TSPAN18: variants seen among roughly 807,000 people sequenced by gnomAD.
TSPAN18 encodes tetraspanin-18.
TSPAN18 carries 14 observed loss-of-function variants against 27.3 expected under a neutral mutation model. The observed-to-expected ratio is 0.51, with a 90% confidence interval of 0.34 to 0.80. The LOEUF is 0.80. Ranked by LOEUF, TSPAN18 falls within the 30% of genes least tolerant of loss-of-function variation. TSPAN18 has a pLI of 0.01. For missense variants in TSPAN18, 268 were observed against 323.9 expected, an observed-to-expected ratio of 0.83 and a Z score of 1.32; for synonymous variants, 143 against 136.5, an observed-to-expected ratio of 1.05 and a Z score of -0.33.
chr11:44,894,889 G>C (rs923891413), intron 3 of TSPAN18, among the ~76,000 whole-genome samples: 6 of 152,356 alleles, frequency 3.9e-5, no homozygotes, highest in Admixed American at 2.0e-4. Context: ...CCACGGATAG[G>C]TGTCGTATCA....
chr11:44,909,477 A>AT, intron 4 of TSPAN18: 1 of 529,340 alleles, frequency 1.9e-6, no homozygotes, highest in Non-Finnish European at 3.3e-6. Flanking sequence ...CGGAAATTGG[A>AT]TTTAGAGGAT....
intron 1 of TSPAN18, among the ~76,000 whole-genome samples, chr11:44,757,985 G>C (rs1365852608): frequency 6.6e-6 from 1 of 152,110 alleles, no homozygotes; most frequent in Non-Finnish European, 1.5e-5. Context: ...AGTCTGGTTT[G>C]TCTATTTTTC....
chr11:44,747,301 G>A (rs1855103101), intron 1 of TSPAN18, among the ~76,000 whole-genome samples: 2 of 152,240 alleles, frequency 1.3e-5, no homozygotes, highest in South Asian at 2.1e-4. Flanking sequence ...CAAGGAGCTC[G>A]TTGCTTGGAT....
intron 1 of TSPAN18, among the ~76,000 whole-genome samples, chr11:44,746,910 T>G (rs1855090598): frequency 6.6e-6 from 1 of 152,194 alleles, no homozygotes; most frequent in Admixed American, 6.5e-5. Context: ...GGAGACTCAG[T>G]TCTTAGGGAG....
Position 44,779,194 on chromosome 11 carries a change from C to G in TSPAN18, c.-153+14682C>G, listed in dbSNP as rs138495776. Among the ~76,000 whole-genome samples the G allele has an allele frequency of 1.9e-4, 29 of 152,226 alleles. No individual in the cohort carries two copies. In the East Asian group the frequency reaches 5.0e-3, roughly 26 times the overall value. Reference sequence around the variant, plus strand: ...CCTTCTAGGTGCGCATGTTCCTCCTCAACCATTCCTCCCCACCCACTCCAT... The same window carrying G: ...CCTTCTAGGTGCGCATGTTCCTCCTGAACCATTCCTCCCCACCCACTCCAT... On this transcript the variant is annotated intron_variant, in intron 2 of 9. Coordinates refer to ENST00000520358, the MANE Select transcript of TSPAN18 (RefSeq NM_130783.5).
chr11:44,733,891 A>G (rs1442342078), intron 1 of TSPAN18, among the ~76,000 whole-genome samples: 1 of 151,942 alleles, frequency 6.6e-6, no homozygotes, highest in Non-Finnish European at 1.5e-5. Flanking sequence ...GGGTCCTGCT[A>G]TAGTTTGGTT....
chr11:44,920,060 G>T (rs145218759), intron 8 of TSPAN18, 61 bp downstream of exon 8: 16,309 of 1,529,834 alleles, frequency 0.011, 109 homozygotes, highest in Non-Finnish European at 0.012. Context: ...GGCCAGAGCT[G>T]GGTGGGAGGC....
At chr11:44,770,774 G>A (rs1417425199) in intron 2 of TSPAN18, among the ~76,000 whole-genome samples, 2 of 152,168 alleles carry the variant, frequency 1.3e-5, no homozygotes, top group Non-Finnish European at 2.9e-5. Flanking sequence ...ATGTGGTGGA[G>A]GTGCTGAGAA....
At chr11:44,811,162 A>G (rs1856706280) in intron 2 of TSPAN18, among the ~76,000 whole-genome samples, 1 of 116,724 alleles carries the variant, frequency 8.6e-6, no homozygotes, top group Non-Finnish European at 2.1e-5. Context: ...ACACACACAC[A>G]CACACACACA....
chr11:44,823,227 T>C lies in TSPAN18; in HGVS notation c.-152-37101T>C, dbSNP rs143161945. 3.4e-3 allele frequency among the ~76,000 whole-genome samples: 517 copies of C among 152,294 alleles called. 6 individuals are homozygous for C. The highest frequency in any genetic ancestry group is 0.012 in the African/African-American group (495 of 41,546). On this transcript the variant is annotated intron_variant, in intron 2 of 9. Transcript: ENST00000520358. Reference sequence around the variant, plus strand: ...AGGCACCCTGCCCACTCGGCCTGCTTGCGTTATAGCTTGTACCCACATTTG... The same window carrying C: ...AGGCACCCTGCCCACTCGGCCTGCTCGCGTTATAGCTTGTACCCACATTTG...
intron 1 of TSPAN18, among the ~76,000 whole-genome samples, chr11:44,739,421 G>T (rs531145636): frequency 1.3e-5 from 2 of 152,164 alleles, no homozygotes; most frequent in African/African-American, 4.8e-5. Context: ...TTAGGAGCTC[G>T]AGACCATGCT....
chr11:44,874,812 C>T (rs6485580), intron 3 of TSPAN18, among the ~76,000 whole-genome samples: 61,698 of 152,070 alleles, frequency 0.41, 14,778 homozygotes, highest in Non-Finnish European at 0.53. Context: ...ATTTGAGGAT[C>T]TTCCAGCCCT....
At chr11:44,845,212 G>A (rs1857455666) in intron 2 of TSPAN18, among the ~76,000 whole-genome samples, 1 of 152,216 alleles carries the variant, frequency 6.6e-6, no homozygotes, top group Non-Finnish European at 1.5e-5. Context: ...AGTCGAATGA[G>A]TAAGACATAC....
chr11:44,902,955 C>T (rs1345818433), intron 3 of TSPAN18, among the ~76,000 whole-genome samples: 2 of 152,162 alleles, frequency 1.3e-5, no homozygotes, highest in Non-Finnish European at 2.9e-5. Context: ...TAGCCCAGCA[C>T]CAGGCTTCCT....
intron 3 of TSPAN18, among the ~76,000 whole-genome samples, chr11:44,868,648 G>A (rs1283251319): frequency 6.6e-6 from 1 of 152,220 alleles, no homozygotes; most frequent in Non-Finnish European, 1.5e-5. Flanking sequence ...TGCTTGGAAA[G>A]GAGCTTCCAA....
chr11:44,904,249 C>T (rs1859374102), intron 3 of TSPAN18, among the ~76,000 whole-genome samples: 1 of 152,250 alleles, frequency 6.6e-6, no homozygotes, highest in Non-Finnish European at 1.5e-5. Flanking sequence ...GTGTCTTCCC[C>T]TCCTGACTTT....
chr11:44,811,182 C>T, intron 2 of TSPAN18, among the ~76,000 whole-genome samples: 1 of 144,560 alleles, frequency 6.9e-6, no homozygotes, highest in African/African-American at 2.7e-5. Flanking sequence ...ACACCCCTGC[C>T]TGTGCCTTCT....
chr11:44,789,159 C>T (rs1856132048), intron 2 of TSPAN18, among the ~76,000 whole-genome samples: 1 of 152,166 alleles, frequency 6.6e-6, no homozygotes, highest in Admixed American at 6.5e-5. Context: ...ATGAATTCAT[C>T]AATGAATTCT....
At chr11:44,728,304 T>G (rs4755279) in intron 1 of TSPAN18, among the ~76,000 whole-genome samples, 1 of 152,160 alleles carries the variant, frequency 6.6e-6, no homozygotes, top group Admixed American at 6.5e-5. Context: ...CAGAAAAAGA[T>G]GTAAGAAACT....
Sources: allele counts gnomAD v4.1 joint callset (sites outside exome capture counted in the v4.1 genomes callset), GRCh38; gene constraint gnomAD v4.1.1; transcripts MANE v1.5; gene names NCBI Gene and HGNC (gene_info 2026-07-23, HGNC 2026-07-21).